Variants in COL11A2 observed in about 807,000 individuals in gnomAD.
The protein encoded by COL11A2 is collagen type XI alpha 2 chain.
In COL11A2, 116 loss-of-function variants were observed where a neutral mutation model predicts 273.4. The observed-to-expected ratio is 0.42, with a 90% CI of 0.36 to 0.49. The LOEUF is 0.49. Ranked by LOEUF, COL11A2 falls within the 20% of genes least tolerant of loss-of-function variation. The probability of loss-of-function intolerance (pLI) is 0.00; values close to 1 mark genes in which losing one functional copy is unlikely to be tolerated. For missense variants in COL11A2, 1,866 were observed against 2,309.0 expected (o/e 0.81, Z 3.93); for synonymous variants, 782 against 864.2 (o/e 0.90, Z 1.67).
In COL11A2 at chr6:33,163,307, T is replaced by G; in HGVS notation, c.*371A>C. The G allele has an allele frequency of 3.7e-6, 1 of 267,336 alleles. No individual in the cohort carries two copies. The highest frequency in any genetic ancestry group is 7.3e-5 in the South Asian group (1 of 13,782). 16.6% of individuals were successfully genotyped at this position (267,336 alleles called of 1,614,324 possible). ...TGATTTTTGTTGGCGTTTCTCTTTT[T>G]TGTTATTTTGCTTTCCACACTTTAA... On this transcript the variant is annotated 3_prime_UTR_variant, in exon 66 of 66. Coordinates refer to ENST00000341947, the MANE Select transcript of COL11A2 (RefSeq NM_080680.3). The surrounding 1 kb of genome is among the most constrained non-coding windows in gnomAD (Gnocchi z 4.1).
rs1769289207 is a variant in COL11A2 at position 33,167,276 on chromosome 6, G to A, written c.4164C>T (p.Pro1388=). 1 of 1,613,874 alleles carries A rather than the reference G, an allele frequency of 6.2e-7. No individual in the cohort carries two copies. The highest frequency in any genetic ancestry group is 8.5e-7 in the Non-Finnish European group (1 of 1,180,018). Residue 1388 remains proline, a synonymous_variant, in exon 57 of 66, where the codon CCC becomes CCT. Coordinates refer to ENST00000341947, the MANE Select transcript of COL11A2 (RefSeq NM_080680.3). This position sits in a 1 kb window ranked among gnomAD's most constrained non-coding sequence, Gnocchi z 6.1. ...GRPGATGQAG[P]PGPVGPPGLP... is the part of the protein sequence containing the mutation. ...CCCAGTCACTCACCACAGGACCTGG[G>A]GGCCCAGCCTGGCCTGTAGCTCCAG...
At chr6:33,174,705 C>T (rs1225013910) in intron 30 of COL11A2, 125 bp from the exon 31 acceptor site, 1 of 854,920 alleles carries the variant, frequency 1.2e-6, no homozygotes, top group East Asian at 2.6e-5. Flanking sequence ...ACACCCCAGC[C>T]TCTAGCCCCT....
chr6:33,185,319 G>A (rs911319871), intron 6 of COL11A2, among the ~76,000 whole-genome samples: 4 of 152,166 alleles, frequency 2.6e-5, no homozygotes, highest in African/African-American at 9.7e-5. Flanking sequence ...CTGGGGCGGG[G>A]CCAGGCAGTG....
intron 30 of COL11A2, 32 bp downstream of exon 30, chr6:33,175,542 A>G (rs1770779850): frequency 1.3e-6 from 2 of 1,591,226 alleles, no homozygotes; most frequent in Non-Finnish European, 1.7e-6. Context: ...ACACCCCCAG[A>G]GGACCCAGGC....
In COL11A2 at chr6:33,186,793, A is replaced by G. The variant is rs1361355491; in HGVS notation, c.632T>C (p.Val211Ala). The part of the protein sequence containing the change: ...FEGDVQELAI[V>A]PGVQAAYESC... ...TTCATAGGCTGCCTGGACCCCTGGG[A>G]CAATGGCCAGCTCCTGGACATCACC... Residue 211 changes from valine (V) to alanine (A), a missense_variant, in exon 5 of 66, where the codon GTC becomes GCC. Val to Ala is a moderately conservative substitution (Grantham distance 64). Transcript: ENST00000341947. The G allele has an allele frequency of 1.2e-6, 2 of 1,614,062 alleles. No individual in the cohort carries two copies. The highest frequency in any genetic ancestry group is 1.1e-5 in the South Asian group (1 of 91,070).
chr6:33,191,347 A>G (rs1457233091), intron 1 of COL11A2, among the ~76,000 whole-genome samples: 1 of 152,264 alleles, frequency 6.6e-6, no homozygotes, highest in African/African-American at 2.4e-5. Flanking sequence ...CAGTGTCTCC[A>G]GAAATGGGCT....
In COL11A2 at chr6:33,178,302, A is replaced by G. The variant is rs1771205311; in HGVS notation, c.1818+6T>C. On this transcript the variant is annotated splice_donor_region_variant and intron_variant, in intron 20 of 65. Coordinates refer to ENST00000341947, the MANE Select transcript of COL11A2 (RefSeq NM_080680.3). This position sits in a 1 kb window ranked among gnomAD's most constrained non-coding sequence, Gnocchi z 4.6. ...CCTCCCCCAGCACCAGCCCTTGGACACTCACCGACTCTCCAGGCAGCCCTC... is the reference window on the plus strand; with the variant it reads ...CCTCCCCCAGCACCAGCCCTTGGACGCTCACCGACTCTCCAGGCAGCCCTC... 2 of 1,611,872 alleles carry G rather than the reference A, an allele frequency of 1.2e-6. No homozygotes were observed. Among genetic ancestry groups the G allele is most frequent in the Non-Finnish European group, 8.5e-7 (1 of 1,179,660 alleles).
In COL11A2 at chr6:33,178,671, G is replaced by A; in HGVS notation, c.1719+8C>T. 1 of 1,612,724 alleles carries A rather than the reference G, an allele frequency of 6.2e-7. No individual in the cohort carries two copies. Among genetic ancestry groups the A allele is most frequent in the Non-Finnish European group, 8.5e-7 (1 of 1,179,880 alleles). On this transcript the variant is annotated splice_region_variant and intron_variant, in intron 18 of 65. Transcript: ENST00000341947. The surrounding 1 kb of genome is among the most constrained non-coding windows in gnomAD (Gnocchi z 4.6). ...CCAATTACAACACACACCCACTAAT[G>A]TACTCACCCTATGGCCCTTCTCTCC...
At position 33,179,472 on chromosome 6, in the gene COL11A2, G is replaced by A. The variant is rs1331669965; in HGVS notation, c.1462C>T (p.Pro488Ser). ...CCTGTGTATCCCATGGGGCCAGGGG[G>A]TCCACGGAGCGCCAGCTAGGGGAGC... is the stretch of plus-strand genomic sequence containing the variant. Reference protein sequence around the residue: ...LQQARLALRGPPGPMGYTGRP... With the variant: ...LQQARLALRGSPGPMGYTGRP... The change falls in exon 14 of 66, where the codon CCC (proline) becomes TCC (serine). Residue 488 changes from proline to serine, a missense_variant. Transcript: ENST00000341947. This position sits in a 1 kb window ranked among gnomAD's most constrained non-coding sequence, Gnocchi z 6.4. 1 of 1,565,732 alleles carries A rather than the reference G, an allele frequency of 6.4e-7. No homozygotes were observed.
chr6:33,177,977 G>T lies in COL11A2; in HGVS notation c.1872+155C>A. 1 of 882,820 alleles carries T rather than the reference G, an allele frequency of 1.1e-6. No individual in the cohort carries two copies. Among genetic ancestry groups the T allele is most frequent in the Non-Finnish European group, 1.8e-6 (1 of 563,652 alleles). 54.7% of individuals were successfully genotyped at this position (882,820 alleles called of 1,614,324 possible). A position where few individuals can be genotyped will look rare whatever the true frequency, so the allele number is the denominator to read the frequency against. The stretch of plus-strand genomic sequence containing the variant: ...CCCTCCCTGTGCACGGGGAGCGAAT[G>T]CTGAGGCAGGGCAGTGTGGGGCCAG... On this transcript the variant is annotated intron_variant, in intron 21 of 65. Transcript: ENST00000341947. The surrounding 1 kb of genome is among the most constrained non-coding windows in gnomAD (Gnocchi z 5.9).
chr6:33,188,413 G>C lies in COL11A2; in HGVS notation c.555C>G (p.Thr185=). 6.2e-7 allele frequency: 1 copy of C among 1,613,020 alleles called. No homozygotes were observed. Among genetic ancestry groups the C allele is most frequent in the Non-Finnish European group, 8.5e-7 (1 of 1,180,034 alleles). ...GGGCACCAAAGATGATCACTCCATG[G>C]GTGTCCAATACTGGACGAGCACTTC... ...LPRSARPVLD[T]HGVIIFGARI... The change falls in exon 4 of 66, where the codon ACC becomes ACG. Residue 185 remains threonine, a synonymous_variant. Transcript: ENST00000341947.
intron 8 of COL11A2, among the ~76,000 whole-genome samples, chr6:33,182,512 G>A (rs188751934): frequency 1.1e-4 from 16 of 152,016 alleles, no homozygotes; most frequent in Non-Finnish European, 2.1e-4. Context: ...AGTAGTTTGA[G>A]ACCAGCCTGG....
In COL11A2 at chr6:33,163,824, G is replaced by C; in HGVS notation, c.5071-6C>G. On this transcript the variant is annotated splice_polypyrimidine_tract_variant and splice_region_variant and intron_variant, in intron 65 of 65. Transcript: ENST00000341947. This position sits in a 1 kb window ranked among gnomAD's most constrained non-coding sequence, Gnocchi z 4.1. ...ACCGTCCGGCCTTGCTGTGTCTTCAGGGGGAGACAAGGAAGAAAGTGTGAG... is the reference window on the plus strand; with the variant it reads ...ACCGTCCGGCCTTGCTGTGTCTTCACGGGGAGACAAGGAAGAAAGTGTGAG... 17 of 1,612,924 alleles carry C rather than the reference G, an allele frequency of 1.1e-5. No homozygotes were observed. Among genetic ancestry groups the C allele is most frequent in the Non-Finnish European group, 1.3e-5 (15 of 1,179,930 alleles).
chr6:33,173,442 A>T lies in COL11A2; in HGVS notation c.2683-41T>A. The T allele has an allele frequency of 1.9e-6, 3 of 1,612,510 alleles. No individual in the cohort carries two copies. In the South Asian group the frequency reaches 3.3e-5, roughly 18 times the overall value. On this transcript the variant is annotated intron_variant, in intron 36 of 65. Transcript: ENST00000341947. The surrounding 1 kb of genome is among the most constrained non-coding windows in gnomAD (Gnocchi z 6.3). ...TTGTCAGGTGAACTCTCAGCTGGAA[A>T]GCAGGTAGGGAAGAAGGACTCAGAG...
At chr6:33,184,064 C>T in intron 8 of COL11A2, 81 bp downstream of exon 8, 2 of 1,245,952 alleles carry the variant, frequency 1.6e-6, no homozygotes, top group African/African-American at 1.5e-5. Flanking sequence ...CAGCCAACAG[C>T]CAAGGATCGA....
rs1374340649 is a variant in COL11A2, at chr6:33,167,666, G to T, written c.4014+133C>A. ...CTAGGAGCCCCTAGCGCAGGAACAA[G>T]TACAGGGAACGCCTGTCCCCATAAG... On this transcript the variant is annotated intron_variant, in intron 55 of 65. Coordinates refer to ENST00000341947, the MANE Select transcript of COL11A2 (RefSeq NM_080680.3). This position sits in a 1 kb window ranked among gnomAD's most constrained non-coding sequence, Gnocchi z 6.1. The T allele has an allele frequency of 6.9e-6, 10 of 1,456,294 alleles. No homozygotes were observed. The Admixed American group carries it at 1.9e-4, about 28-fold the overall frequency. 90.2% of individuals were successfully genotyped at this position (1,456,294 alleles called of 1,614,324 possible).
chr6:33,177,392 G>T lies in COL11A2; in HGVS notation c.1971+20C>A, dbSNP rs770912127. 2 of 1,612,478 alleles carry T rather than the reference G, an allele frequency of 1.2e-6. No individual in the cohort carries two copies. Among genetic ancestry groups the T allele is most frequent in the Non-Finnish European group, 1.7e-6 (2 of 1,179,786 alleles). ...AGGGAAGTCATGAAAATTGGGGAAC[G>T]GAGTAGGGGCACCGCTCACCTGGGT... On this transcript the variant is annotated intron_variant, in intron 23 of 65. Transcript: ENST00000341947. This position sits in a 1 kb window ranked among gnomAD's most constrained non-coding sequence, Gnocchi z 5.9.
chr6:33,169,288 C>T lies in COL11A2; in HGVS notation c.3798+95G>A, dbSNP rs1769686022. 1 of 1,210,388 alleles carries T rather than the reference C, an allele frequency of 8.3e-7. No homozygotes were observed. The highest frequency in any genetic ancestry group is 1.2e-6 in the Non-Finnish European group (1 of 840,746). 75.0% of individuals were successfully genotyped at this position (1,210,388 alleles called of 1,614,324 possible). ...AGCATCCCCCAAACTCCCGGGCTCC[C>T]CACACTCCAAGATCCTCCCTCACAC... On this transcript the variant is annotated intron_variant, in intron 51 of 65. Transcript: ENST00000341947. This position sits in a 1 kb window ranked among gnomAD's most constrained non-coding sequence, Gnocchi z 5.5.
rs1562356613 is a variant in COL11A2, at chr6:33,178,206, G to C, written c.1819-21C>G. 6.2e-7 allele frequency: 1 copy of C among 1,612,414 alleles called. No homozygotes were observed. The highest frequency in any genetic ancestry group is 2.2e-5 in the East Asian group (1 of 44,852). On this transcript the variant is annotated intron_variant, in intron 20 of 65. Transcript: ENST00000341947. The surrounding 1 kb of genome is among the most constrained non-coding windows in gnomAD (Gnocchi z 4.6). ...GGTCCCTGCATTCACGGTGAGGGGA[G>C]GAGACGGCATGAATGGATAAAACTG...
Sources: gnomAD v4.1 joint callset for allele counts (sites outside exome capture counted in the v4.1 genomes callset) on GRCh38, gnomAD v4.1.1 for gene constraint, Gnocchi (gnomAD v3.1) non-coding constraint, MANE v1.5 for transcripts, NCBI Gene and HGNC (gene_info 2026-07-23, HGNC 2026-07-21) for gene names.